The following KIF3C variants were observed in gnomAD, a reference collection of about 807,000 sequenced individuals.
The protein encoded by KIF3C is kinesin-like protein KIF3C.
In KIF3C, 12 loss-of-function variants were observed where a neutral mutation model predicts 67.7. That is an observed-to-expected ratio of 0.18 (90% CI 0.11 to 0.29). The LOEUF (loss-of-function observed/expected upper bound fraction) is 0.29, where lower values mean the gene tolerates loss of function less well. Among genes scored for constraint, KIF3C ranks in the 10% least tolerant of loss-of-function variants. The probability of loss-of-function intolerance (pLI) is 1.00; values close to 1 mark genes in which losing one functional copy is unlikely to be tolerated. For synonymous variants in KIF3C, 393 were observed against 426.2 expected, an observed-to-expected ratio of 0.92 and a Z score of 0.96; for missense variants, 789 against 1,059.6, an observed-to-expected ratio of 0.74 and a Z score of 3.55.
chr2:25,966,650 C>A (rs797017535), intron 1 of KIF3C, among the ~76,000 whole-genome samples: 1 of 152,156 alleles, frequency 6.6e-6, no homozygotes, highest in African/African-American at 2.4e-5. Flanking sequence ...AAAGCACTGA[C>A]GTGGAAAGCT....
At chr2:25,976,603 T>A (rs372688936) in intron 1 of KIF3C, among the ~76,000 whole-genome samples, 2 of 151,800 alleles carry the variant, frequency 1.3e-5, no homozygotes, top group Non-Finnish European at 2.9e-5. Flanking sequence ...CTACTAAAAA[T>A]ACAAAAAATT....
At position 25,955,418 on chromosome 2, in the gene KIF3C, C is replaced by G. The variant is rs1211286186; in HGVS notation, c.1770+123G>C. The G allele has an allele frequency of 1.3e-5, 16 of 1,258,486 alleles. No individual in the cohort carries two copies. The highest frequency in any genetic ancestry group is 1.8e-5 in the Non-Finnish European group (16 of 894,176). The allele number at this position is 1,258,486 out of a possible 1,614,324, so 78.0% of individuals were successfully genotyped here. ...CCTGTTGCTCACCCCCGAGGCCAAGCCATGTCACTCAGGGGTTCAGCAGTT... is the reference window on the plus strand; with the variant it reads ...CCTGTTGCTCACCCCCGAGGCCAAGGCATGTCACTCAGGGGTTCAGCAGTT... On this transcript the variant is annotated intron_variant, in intron 3 of 7. Coordinates refer to ENST00000264712, the MANE Select transcript of KIF3C (RefSeq NM_002254.8). This position sits in a 1 kb window ranked among gnomAD's most constrained non-coding sequence, Gnocchi z 5.0.
chr2:25,958,321 C>T lies in KIF3C; in HGVS notation c.1546-1877G>A, dbSNP rs1479324471. Among the ~76,000 whole-genome samples, 5 of 152,154 alleles carry T rather than the reference C, an allele frequency of 3.3e-5. No individual in the cohort carries two copies. Among genetic ancestry groups the T allele is most frequent in the Non-Finnish European group, 4.4e-5 (3 of 68,038 alleles). ...CTGGGCTGGGGACGGTGGCTCATGC[C>T]CGTAATCCCAGCACTTTGGGAAGTT... On this transcript the variant is annotated intron_variant, in intron 1 of 7. Transcript: ENST00000264712. This position sits in a 1 kb window ranked among gnomAD's most constrained non-coding sequence, Gnocchi z 4.5.
intron 5 of KIF3C, among the ~76,000 whole-genome samples, chr2:25,945,005 C>A (rs1473176275): frequency 1.3e-5 from 2 of 151,978 alleles, no homozygotes; most frequent in African/African-American, 4.8e-5. Flanking sequence ...GTGGCGGGCA[C>A]CTGTAATCCC....
chr2:25,945,786 C>T (rs1235905933), intron 5 of KIF3C, among the ~76,000 whole-genome samples: 3 of 152,024 alleles, frequency 2.0e-5, no homozygotes, highest in Non-Finnish European at 4.4e-5. Flanking sequence ...CAAAATAATA[C>T]AACTTAACAC....
intron 4 of KIF3C, among the ~76,000 whole-genome samples, chr2:25,952,553 A>G (rs917407227): frequency 8.2e-4 from 72 of 88,334 alleles, no homozygotes; most frequent in African/African-American, 3.5e-3. Context: ...GTGTGTGTAT[A>G]TATATATATA....
intron 1 of KIF3C, among the ~76,000 whole-genome samples, chr2:25,967,532 T>G (rs997676799): frequency 1.3e-5 from 2 of 152,150 alleles, no homozygotes; most frequent in Non-Finnish European, 2.9e-5. Context: ...TTGGGCTGGG[T>G]GCAGAGGCTC....
chr2:25,930,147 GTAGC>G, intron 5 of KIF3C, 84 bp from the exon 6 acceptor site: 1 of 1,074,520 alleles, frequency 9.3e-7, no homozygotes, highest in Non-Finnish European at 1.4e-6. Flanking sequence ...TATCATTCAG[GTAGC>G]TAGGAGGCCC....
chr2:25,942,802 C>T (rs1383494519), intron 5 of KIF3C, among the ~76,000 whole-genome samples: 1 of 152,030 alleles, frequency 6.6e-6, no homozygotes, highest in East Asian at 1.9e-4. Flanking sequence ...ATAATGGCTA[C>T]ATGGAGATGG....
intron 5 of KIF3C, among the ~76,000 whole-genome samples, chr2:25,939,273 C>G (rs118063266): frequency 3.3e-5 from 5 of 152,098 alleles, no homozygotes; most frequent in East Asian, 1.9e-4. Flanking sequence ...TGGCCTCCCC[C>G]TCTTGTTCTG....
chr2:25,945,664 G>A (rs1434855107), intron 5 of KIF3C, among the ~76,000 whole-genome samples: 1 of 151,710 alleles, frequency 6.6e-6, no homozygotes, highest in East Asian at 1.9e-4. Flanking sequence ...GAGGTGGGAG[G>A]ATTAGCGTGA....
At chr2:25,929,598 C>A in intron 6 of KIF3C, 121 bp from the exon 7 acceptor site, 2 of 732,206 alleles carry the variant, frequency 2.7e-6, no homozygotes, top group South Asian at 1.8e-5. Flanking sequence ...AGGCTGTGAG[C>A]ATCCCCTCCC....
At chr2:25,976,562 C>T (rs1664420925) in intron 1 of KIF3C, among the ~76,000 whole-genome samples, 1 of 152,054 alleles carries the variant, frequency 6.6e-6, no homozygotes, top group African/African-American at 2.4e-5. Flanking sequence ...GAGATCGAGA[C>T]CAGCCTTGCC....
At chr2:25,935,518 C>T (rs1296278403) in intron 5 of KIF3C, among the ~76,000 whole-genome samples, 1 of 152,046 alleles carries the variant, frequency 6.6e-6, no homozygotes, top group Non-Finnish European at 1.5e-5. Flanking sequence ...AGGCAGGTGC[C>T]ACCACACCTG....
In KIF3C at chr2:25,928,888, C is replaced by A. The variant is rs1428916802; in HGVS notation, c.*90G>T. Reference sequence around the variant, plus strand: ...ACACGCACACGCACATGCACGCACACGCACACGCACCAAGCGGCAGATGAG... The same window carrying A: ...ACACGCACACGCACATGCACGCACAAGCACACGCACCAAGCGGCAGATGAG... On this transcript the variant is annotated 3_prime_UTR_variant, in exon 8 of 8. Transcript: ENST00000264712. 4 of 1,067,882 alleles carry A rather than the reference C, an allele frequency of 3.7e-6. No individual in the cohort carries two copies. In the East Asian group the frequency reaches 7.1e-5, roughly 19 times the overall value. The allele number at this position is 1,067,882 out of a possible 1,614,324, so 66.2% of individuals were successfully genotyped here.
At chr2:25,948,460 G>A (rs1295072053) in intron 5 of KIF3C, among the ~76,000 whole-genome samples, 1 of 151,976 alleles carries the variant, frequency 6.6e-6, no homozygotes, top group Non-Finnish European at 1.5e-5. Flanking sequence ...GCTGAGGCAG[G>A]AGGATCACTT....
At chr2:25,954,098 G>A in intron 4 of KIF3C, 169 bp downstream of exon 4, 1 of 659,826 alleles carries the variant, frequency 1.5e-6, no homozygotes, top group Non-Finnish European at 2.7e-6. Flanking sequence ...AGGCAGAGGA[G>A]GTAGAAGAAA....
chr2:25,961,295 G>A (rs1663937340), intron 1 of KIF3C, among the ~76,000 whole-genome samples: 1 of 152,172 alleles, frequency 6.6e-6, no homozygotes, highest in South Asian at 2.1e-4. Flanking sequence ...GAAATAAACA[G>A]GTATTTCTCT....
chr2:25,945,564 C>CAAAAAAAAAAA (rs10581291), intron 5 of KIF3C, among the ~76,000 whole-genome samples: 1 of 67,392 alleles, frequency 1.5e-5, no homozygotes. Flanking sequence ...GAGAATATCT[C>CAAAAAAAAAAA]AAAAAAAAAA....
Sources: allele counts gnomAD v4.1 joint callset (sites outside exome capture counted in the v4.1 genomes callset), GRCh38; gene constraint gnomAD v4.1.1; non-coding constraint Gnocchi (gnomAD v3.1); transcripts MANE v1.5; gene names NCBI Gene and HGNC (gene_info 2026-07-23, HGNC 2026-07-21).